The following RASAL2 variants were observed in gnomAD, a reference collection of about 807,000 sequenced individuals.
RASAL2 encodes the protein RAS protein activator like 2.
A neutral mutation model predicts 128.9 loss-of-function variants in RASAL2; 58 were observed. The ratio of observed to expected loss-of-function variants is 0.45; its 90% CI spans 0.36 to 0.56. The LOEUF (loss-of-function observed/expected upper bound fraction) is 0.56, where lower values mean the gene tolerates loss of function less well. RASAL2 is among the 20% of genes least tolerant of loss of function. The pLI, the probability that RASAL2 is intolerant of heterozygous loss-of-function variation, is 0.00. For missense variants in RASAL2, 1,360 were observed against 1,601.6 expected (o/e 0.85, Z 2.57); for synonymous variants, 561 against 580.8 (o/e 0.97, Z 0.49).
intron 1 of RASAL2, among the ~76,000 whole-genome samples, chr1:178,125,160 T>C (rs1310331840): frequency 6.6e-6 from 1 of 152,214 alleles, no homozygotes; most frequent in Non-Finnish European, 1.5e-5. Context: ...CTAGCAAATA[T>C]GCAGCATTTT....
intron 1 of RASAL2, among the ~76,000 whole-genome samples, chr1:178,127,059 GCCTCAGTCATCTTGTGA>G (rs889762525): frequency 1.5e-4 from 23 of 152,150 alleles, no homozygotes; most frequent in Non-Finnish European, 2.2e-4. Flanking sequence ...AGCTTATTTC[GCCTCAGTCATCTTGTGA>G]CCCACAAACT....
chr1:178,465,085 A>G (rs1463372699), intron 15 of RASAL2, among the ~76,000 whole-genome samples: 2 of 152,114 alleles, frequency 1.3e-5, no homozygotes, highest in Non-Finnish European at 2.9e-5. Context: ...CCCCAGCCAC[A>G]GCAACTACAG....
At position 178,179,414 on chromosome 1, in the gene RASAL2, C is replaced by A. The variant is rs2101925417; in HGVS notation, c.202+84720C>A. Among the ~76,000 whole-genome samples the A allele has an allele frequency of 3.3e-5, 5 of 152,214 alleles. No homozygotes were observed. In the South Asian group the frequency reaches 1.0e-3, roughly 32 times the overall value. On this transcript the variant is annotated intron_variant, in intron 1 of 17. Transcript: ENST00000367649. Reference sequence around the variant, plus strand: ...AAGACTGTGCTTTTTCCACAATACTCCTTTTCTTTACTGGATAAAAGAGTA... The same window carrying A: ...AAGACTGTGCTTTTTCCACAATACTACTTTTCTTTACTGGATAAAAGAGTA...
At chr1:178,273,089 T>C (rs545440954) in intron 1 of RASAL2, among the ~76,000 whole-genome samples, 6 of 152,364 alleles carry the variant, frequency 3.9e-5, no homozygotes, top group Middle Eastern at 3.4e-3. Flanking sequence ...TATAGACTTA[T>C]TGTCCTGTAT....
At chr1:178,141,786 A>G (rs548938956) in intron 1 of RASAL2, among the ~76,000 whole-genome samples, 1 of 152,266 alleles carries the variant, frequency 6.6e-6, no homozygotes, top group East Asian at 1.9e-4. Flanking sequence ...GTGTTGTTTT[A>G]CAGCTTTGAT....
At chr1:178,230,315 G>A (rs1285175655) in intron 1 of RASAL2, among the ~76,000 whole-genome samples, 2 of 152,150 alleles carry the variant, frequency 1.3e-5, no homozygotes, top group Non-Finnish European at 2.9e-5. Context: ...ATACCTGTAA[G>A]TGGAATTGCT....
Position 178,442,735 on chromosome 1 carries a change from G to T in RASAL2, c.988G>T (p.Ala330Ser), listed in dbSNP as rs1414566468. ...RLWIIEAKDL[A>S]PKKKYFCELC... Reference sequence around the variant, plus strand: ...ATGGATCATTGAAGCCAAGGACCTTGCCCCTAAAAAGAAATATTTCTGCGA... The same window carrying T: ...ATGGATCATTGAAGCCAAGGACCTTTCCCCTAAAAAGAAATATTTCTGCGA... Residue 330 changes from alanine to serine, a missense_variant, in exon 8 of 18, where the codon GCC (alanine) becomes TCC (serine). Around this residue, in one of 3 missense-constraint regions of RASAL2, gnomAD observed 617 missense variants for 714.2 expected, o/e 0.86. Coordinates refer to ENST00000367649, the MANE Select transcript of RASAL2 (RefSeq NM_170692.4). The T allele has an allele frequency of 2.5e-6, 4 of 1,613,696 alleles. No homozygotes were observed. The African/African-American group carries it at 4.0e-5, about 16-fold the overall frequency.
intron 4 of RASAL2, among the ~76,000 whole-genome samples, chr1:178,399,610 T>C (rs1181452674): frequency 6.6e-6 from 1 of 152,192 alleles, no homozygotes; most frequent in East Asian, 1.9e-4. Flanking sequence ...TAATTTTTCC[T>C]GGTACTGGAG....
At chr1:178,182,547 C>T (rs1196435240) in intron 1 of RASAL2, among the ~76,000 whole-genome samples, 4 of 152,116 alleles carry the variant, frequency 2.6e-5, no homozygotes, top group Non-Finnish European at 5.9e-5. Flanking sequence ...TATGTGACCA[C>T]CTGTATCTAT....
At chr1:178,455,987 G>C (rs778659335) in intron 12 of RASAL2, among the ~76,000 whole-genome samples, 3 of 152,192 alleles carry the variant, frequency 2.0e-5, no homozygotes, top group Non-Finnish European at 4.4e-5. Flanking sequence ...TCTTTTTAAC[G>C]GGCTTTGCTA....
intron 1 of RASAL2, among the ~76,000 whole-genome samples, chr1:178,153,200 A>G (rs554223387): frequency 6.6e-6 from 1 of 152,226 alleles, no homozygotes; most frequent in East Asian, 1.9e-4. Flanking sequence ...TCCTTGTGGT[A>G]TCATTAATAT....
chr1:178,225,053 T>G (rs1663739988), intron 1 of RASAL2, among the ~76,000 whole-genome samples: 2 of 152,048 alleles, frequency 1.3e-5, no homozygotes, highest in Non-Finnish European at 2.9e-5. Flanking sequence ...GATATACTTG[T>G]GTTTTTTTAT....
At chr1:178,303,341 TAAAG>T (rs1667852668) in intron 3 of RASAL2, among the ~76,000 whole-genome samples, 2 of 152,006 alleles carry the variant, frequency 1.3e-5, no homozygotes, top group Non-Finnish European at 2.9e-5. Flanking sequence ...TGATCTTGGA[TAAAG>T]AAAGATTTCT....
Position 178,475,313 on chromosome 1 carries a change from CCTT to C in RASAL2, c.*2077_*2079del, listed in dbSNP as rs1648592536. 1 of 152,338 alleles carries C rather than the reference CCTT, an allele frequency of 6.6e-6. No homozygotes were observed. Among genetic ancestry groups the C allele is most frequent in the South Asian group, 2.1e-4 (1 of 4,824 alleles). The allele number at this position is 152,338 out of a possible 1,614,324, so 9.4% of individuals were successfully genotyped here. On this transcript the variant is annotated 3_prime_UTR_variant, in exon 18 of 18. Transcript: ENST00000367649. Reference sequence around the variant, plus strand: ...TGGTTTTGGTTTGCAAATTCTTACACCTTCTCTCCAAGCGGAGGGCACACTGTG... The same window carrying C: ...TGGTTTTGGTTTGCAAATTCTTACACCTCTCCAAGCGGAGGGCACACTGTG...
chr1:178,264,303 C>G (rs1418835955), intron 1 of RASAL2, among the ~76,000 whole-genome samples: 4 of 152,160 alleles, frequency 2.6e-5, no homozygotes, highest in Admixed American at 2.6e-4. Context: ...CACTATTTAC[C>G]ATCATATTTT....
At chr1:178,171,849 C>A (rs1345655221) in intron 1 of RASAL2, among the ~76,000 whole-genome samples, 6 of 151,898 alleles carry the variant, frequency 4.0e-5, no homozygotes, top group African/African-American at 7.2e-5. Flanking sequence ...TTGGGTCTGT[C>A]ATTCAAGTAT....
chr1:178,436,320 T>A (rs1676249513), intron 5 of RASAL2, among the ~76,000 whole-genome samples: 1 of 152,054 alleles, frequency 6.6e-6, no homozygotes, highest in Admixed American at 6.6e-5. Flanking sequence ...CACATAAAAA[T>A]GCCAAAAGAT....
intron 3 of RASAL2, among the ~76,000 whole-genome samples, chr1:178,371,553 G>A (rs891099000): frequency 2.0e-5 from 3 of 152,016 alleles, no homozygotes; most frequent in African/African-American, 4.8e-5. Flanking sequence ...CATGCGAGGT[G>A]GGGGGAGGAA....
intron 1 of RASAL2, among the ~76,000 whole-genome samples, chr1:178,270,648 A>G (rs200102500): frequency 7.4e-5 from 9 of 121,978 alleles, no homozygotes; most frequent in East Asian, 6.9e-4. Context: ...TTTTATGTCT[A>G]TATTCTTCTG....
Sources: allele counts gnomAD v4.1 joint callset (sites outside exome capture counted in the v4.1 genomes callset), GRCh38; gene constraint gnomAD v4.1.1; regional missense constraint gnomAD v4.1.1; transcripts MANE v1.5; gene names NCBI Gene and HGNC (gene_info 2026-07-23, HGNC 2026-07-21).